Variants in RUBCN observed in about 807,000 individuals in gnomAD.
RUBCN encodes the protein rubicon autophagy regulator, also known as run domain Beclin-1-interacting and cysteine-rich domain-containing protein.
Under a neutral mutation model 113.2 loss-of-function variants are expected in RUBCN, and 74 were observed. The ratio of observed to expected loss-of-function variants is 0.65; its 90% CI spans 0.54 to 0.79. RUBCN has a LOEUF of 0.79. RUBCN is among the 30% of genes least tolerant of loss of function. The pLI, the probability that RUBCN is intolerant of heterozygous loss-of-function variation, is 0.00. For synonymous variants in RUBCN, 480 were observed against 490.0 expected (o/e 0.98, Z 0.27); for missense variants, 1,109 against 1,251.7 (o/e 0.89, Z 1.72).
chr3:197,693,536 A>G (rs1722667523), intron 11 of RUBCN, among the ~76,000 whole-genome samples, 179 bp downstream of exon 11: 1 of 152,246 alleles, frequency 6.6e-6, no homozygotes, highest in South Asian at 2.1e-4. Context: ...ACCTGCTTCC[A>G]GTGTTCTTCC....
Position 197,683,576 on chromosome 3 carries a change from C to T in RUBCN, c.1848-137G>A. The T allele has an allele frequency of 1.1e-6, 1 of 940,522 alleles. No individual in the cohort carries two copies. The highest frequency in any genetic ancestry group is 1.4e-5 in the South Asian group (1 of 71,098). The allele number at this position is 940,522 out of a possible 1,614,324, so 58.3% of individuals were successfully genotyped here. ...CGCAGCACCCTGGCCTGCTCATCAC[C>T]CTCACACATGGGACAGTCAAAGTCC... On this transcript the variant is annotated intron_variant, in intron 12 of 19. Coordinates refer to ENST00000296343, the MANE Select transcript of RUBCN (RefSeq NM_014687.4). The surrounding 1 kb of genome is among the most constrained non-coding windows in gnomAD (Gnocchi z 4.6).
intron 8 of RUBCN, 86 bp downstream of exon 8, chr3:197,696,868 A>AT: frequency 1.3e-6 from 1 of 782,584 alleles, no homozygotes; most frequent in Non-Finnish European, 2.3e-6. Context: ...GAGAGCTGAG[A>AT]TGAACCCCAA....
rs1425831900 is a variant in RUBCN at position 197,672,149 on chromosome 3, C to G, written c.*2869G>C. The G allele has an allele frequency of 2.0e-5, 3 of 152,316 alleles. No homozygotes were observed. In the South Asian group the frequency reaches 6.2e-4, roughly 32 times the overall value. The allele number at this position is 152,316 out of a possible 1,614,324, so 9.4% of individuals were successfully genotyped here. On this transcript the variant is annotated 3_prime_UTR_variant, in exon 20 of 20. Transcript: ENST00000296343. ...CTTTTATGTTAGTTCAACGAAAGCT[C>G]TAAATCCTTGGCAGAGAACGTCAAA...
At position 197,672,354 on chromosome 3, in the gene RUBCN, A is replaced by G. The variant is rs2108818889; in HGVS notation, c.*2664T>C. 6.6e-6 allele frequency: 1 copy of G among 152,308 alleles called. No homozygotes were observed. Among genetic ancestry groups the G allele is most frequent in the South Asian group, 2.1e-4 (1 of 4,828 alleles). 9.4% of individuals were successfully genotyped at this position (152,308 alleles called of 1,614,324 possible). The stretch of plus-strand genomic sequence containing the variant: ...AGTGCATTCAAAGCTTCTCCCCGCA[A>G]CAGCAGGGGATTTTCAGATAGTGGT... On this transcript the variant is annotated 3_prime_UTR_variant, in exon 20 of 20. Transcript: ENST00000296343.
rs575583485 is a variant in RUBCN at position 197,681,101 on chromosome 3, T to G, written c.2430+28A>C. On this transcript the variant is annotated intron_variant, in intron 16 of 19. Transcript: ENST00000296343. This position sits in a 1 kb window ranked among gnomAD's most constrained non-coding sequence, Gnocchi z 5.5. ...GATGAGGGGAGGAGAAGGGCAAGAC[T>G]CTAAGGTGGCCTTTTCCAAGGTCTT... 2.1e-4 allele frequency: 311 copies of G among 1,482,782 alleles called. 5 individuals carry two copies. The South Asian group carries it at 3.1e-3, about 15-fold the overall frequency. The allele number at this position is 1,482,782 out of a possible 1,614,324, so 91.9% of individuals were successfully genotyped here.
In RUBCN at chr3:197,675,309, G is replaced by A. The variant is rs1230648262; in HGVS notation, c.2740+113C>T. 6.7e-7 allele frequency: 1 copy of A among 1,500,544 alleles called. No individual in the cohort carries two copies. The highest frequency in any genetic ancestry group is 9.3e-7 in the Non-Finnish European group (1 of 1,078,606). The allele number at this position is 1,500,544 out of a possible 1,614,324, so 93.0% of individuals were successfully genotyped here. On this transcript the variant is annotated intron_variant, in intron 19 of 19. Transcript: ENST00000296343. The surrounding 1 kb of genome is among the most constrained non-coding windows in gnomAD (Gnocchi z 4.4). Reference sequence around the variant, plus strand: ...CCACCAAGGCGTGGTGTCCCCTGGGGAGGCCCCGCGAGGTGCTGAGTGGCA... The same window carrying A: ...CCACCAAGGCGTGGTGTCCCCTGGGAAGGCCCCGCGAGGTGCTGAGTGGCA...
chr3:197,701,568 T>C (rs534706620), intron 6 of RUBCN, 140 bp downstream of exon 6: 6 of 727,720 alleles, frequency 8.2e-6, no homozygotes, highest in East Asian at 2.7e-5. Context: ...CTAGTCACTA[T>C]ATAACTTGTA....
At chr3:197,702,185 T>C (rs1043167492) in intron 5 of RUBCN, among the ~76,000 whole-genome samples, 17 of 152,188 alleles carry the variant, frequency 1.1e-4, no homozygotes, top group African/African-American at 3.1e-4. Flanking sequence ...CTGACACTTA[T>C]CAGCTATTTG....
Position 197,717,961 on chromosome 3 carries a change from A to AG in RUBCN, c.219+15_219+16insC. ...AGCGAGTCAGCCAATCTGGCAAAAA[A>AG]AGGAGTTCTGCATACCTGGTCACGG... is the stretch of plus-strand genomic sequence containing the variant. On this transcript the variant is annotated intron_variant, in intron 2 of 19. Transcript: ENST00000296343. 1 of 1,613,160 alleles carries AG rather than the reference A, an allele frequency of 6.2e-7. No individual in the cohort carries two copies. Among genetic ancestry groups the AG allele is most frequent in the Non-Finnish European group, 8.5e-7 (1 of 1,180,026 alleles).
At chr3:197,705,056 G>T in intron 3 of RUBCN, 36 bp downstream of exon 3, 1 of 1,533,480 alleles carries the variant, frequency 6.5e-7, no homozygotes, top group Non-Finnish European at 9.0e-7. Flanking sequence ...AAGACCCACA[G>T]CTCTGCCAGC....
chr3:197,735,432 A>C (rs1289034515), intron 1 of RUBCN, among the ~76,000 whole-genome samples: 1 of 152,230 alleles, frequency 6.6e-6, no homozygotes, highest in Non-Finnish European at 1.5e-5. Context: ...ATAAATGTCA[A>C]GTATGACTCC....
chr3:197,696,614 A>T (rs1560427795), intron 8 of RUBCN, among the ~76,000 whole-genome samples: 2 of 146,396 alleles, frequency 1.4e-5, no homozygotes, highest in Non-Finnish European at 3.0e-5. Flanking sequence ...TTCCACATAG[A>T]GTCTGTCTGC....
At position 197,682,487 on chromosome 3, in the gene RUBCN, A is replaced by G. The variant is rs1721358547; in HGVS notation, c.2109T>C (p.Asn703=). ...WAPPRPQIIF[N]VHPAPTRKIA... is the part of the protein sequence containing the mutation. ...CCACTCACGTTGGGGCTGGATGAAC[A>G]TTAAAAATTATCTGAGGCCGGGGCG... Residue 703 remains asparagine (N), a synonymous_variant, in exon 14 of 20, where the codon AAT becomes AAC. Transcript: ENST00000296343. 6.2e-7 allele frequency: 1 copy of G among 1,614,190 alleles called. No individual in the cohort carries two copies. The highest frequency in any genetic ancestry group is 8.5e-7 in the Non-Finnish European group (1 of 1,180,036).
intron 1 of RUBCN, among the ~76,000 whole-genome samples, chr3:197,726,927 A>G (rs1314355380): frequency 6.7e-6 from 1 of 149,462 alleles, no homozygotes; most frequent in Non-Finnish European, 1.5e-5. Flanking sequence ...CTCACAAACT[A>G]GATGCACATT....
intron 1 of RUBCN, among the ~76,000 whole-genome samples, chr3:197,718,585 G>A (rs1407941479): frequency 6.6e-6 from 1 of 152,016 alleles, no homozygotes; most frequent in Non-Finnish European, 1.5e-5. Flanking sequence ...GAGTAGCTGG[G>A]AACTACAGAT....
At chr3:197,730,433 G>C (rs1727283719) in intron 1 of RUBCN, among the ~76,000 whole-genome samples, 1 of 152,184 alleles carries the variant, frequency 6.6e-6, no homozygotes, top group Non-Finnish European at 1.5e-5. Context: ...TAAGCTTGGA[G>C]TTGCTATGGT....
Position 197,681,133 on chromosome 3 carries a change from A to G in RUBCN, c.2426T>C (p.Val809Ala), listed in dbSNP as rs202095951. 167 of 1,609,900 alleles carry G rather than the reference A, an allele frequency of 1.0e-4. No individual in the cohort carries two copies. The highest frequency in any genetic ancestry group is 4.8e-4 in the Admixed American group (29 of 59,968). ...LYRKVKLLNQVRLLRVQLCHM... is the reference protein window; with the variant it reads ...LYRKVKLLNQARLLRVQLCHM... ...TGGCCTTTTCCAAGGTCTTACCCGG[A>G]CTTGATTGAGCAGCTTGACCTTCCT... The change falls in exon 16 of 20, where the codon GTC (valine) becomes GCC (alanine). Residue 809 changes from valine (V) to alanine (A), a missense_variant. This residue lies in a region of RUBCN where 306 missense variants were observed against 348.9 expected (regional missense o/e 0.88). Transcript: ENST00000296343. This position sits in a 1 kb window ranked among gnomAD's most constrained non-coding sequence, Gnocchi z 5.5.
chr3:197,730,414 T>C (rs1004048565), intron 1 of RUBCN, among the ~76,000 whole-genome samples: 1 of 152,178 alleles, frequency 6.6e-6, no homozygotes, highest in African/African-American at 2.4e-5. Flanking sequence ...TTCTTGTTGC[T>C]GGTATTGCTA....
Position 197,717,976 on chromosome 3 carries a change from C to T in RUBCN, c.219+1G>A, listed in dbSNP as rs370427914. On this transcript the variant is annotated splice_donor_variant, in intron 2 of 19. Coordinates refer to ENST00000296343, the MANE Select transcript of RUBCN (RefSeq NM_014687.4). LOFTEE classifies it high-confidence loss of function. Reference sequence around the variant, plus strand: ...CTGGCAAAAAAAGGAGTTCTGCATACCTGGTCACGGATAAGCCCGTGATAG... The same window carrying T: ...CTGGCAAAAAAAGGAGTTCTGCATATCTGGTCACGGATAAGCCCGTGATAG... 6.2e-7 allele frequency: 1 copy of T among 1,613,556 alleles called. No individual in the cohort carries two copies. Among genetic ancestry groups the T allele is most frequent in the African/African-American group, 1.3e-5 (1 of 74,916 alleles).
Sources: gnomAD v4.1 joint callset for allele counts (sites outside exome capture counted in the v4.1 genomes callset) on GRCh38, gnomAD v4.1.1 for gene constraint, gnomAD v4.1.1 regional missense constraint, Gnocchi (gnomAD v3.1) non-coding constraint, MANE v1.5 for transcripts, NCBI Gene and HGNC (gene_info 2026-07-23, HGNC 2026-07-21) for gene names.